Variants in HPSE2 observed in about 807,000 individuals in gnomAD.
The protein encoded by HPSE2 is inactive heparanase-2.
HPSE2 carries 38 observed loss-of-function variants against 60.5 expected under a neutral mutation model. The ratio of observed to expected loss-of-function variants is 0.63; its 90% CI spans 0.48 to 0.82. The LOEUF (loss-of-function observed/expected upper bound fraction) is 0.82, where lower values mean the gene tolerates loss of function less well. Among genes scored for constraint, HPSE2 ranks in the 40% least tolerant of loss-of-function variants. The pLI is 0.00. For synonymous variants in HPSE2, 295 were observed against 293.2 expected (o/e 1.01, Z -0.06); for missense variants, 713 against 740.4 (o/e 0.96, Z 0.43).
At chr10:98,525,927 A>G (rs1044120172) in intron 9 of HPSE2, among the ~76,000 whole-genome samples, 5 of 152,218 alleles carry the variant, frequency 3.3e-5, no homozygotes, top group Non-Finnish European at 7.3e-5. Context: ...CCGATCCTGT[A>G]TATTAGATGC....
At chr10:99,267,829 T>C in the HPSE2 span, among the ~76,000 whole-genome samples, 1 of 150,830 alleles carries the variant, frequency 6.6e-6, no homozygotes, top group South Asian at 2.1e-4. Context: ...GTAAGAATAA[T>C]TGGTGTTCCT....
chr10:99,124,842 A>T (rs1458981284), intron 3 of HPSE2, among the ~76,000 whole-genome samples: 1 of 152,184 alleles, frequency 6.6e-6, no homozygotes, highest in East Asian at 1.9e-4. Context: ...CACTGTGCCA[A>T]CTCAAAATGG....
chr10:98,869,823 C>A (rs575683847), intron 3 of HPSE2, among the ~76,000 whole-genome samples: 21 of 152,162 alleles, frequency 1.4e-4, no homozygotes, highest in African/African-American at 4.8e-4. Context: ...TAGTTTCCTT[C>A]CGAAGTGTAT....
chr10:98,502,011 A>AGGAAAACT lies in HPSE2; in HGVS notation c.1321-11823_1321-11816dup, dbSNP rs998131859. On this transcript the variant is annotated intron_variant, in intron 9 of 11. Coordinates refer to ENST00000370552, the MANE Select transcript of HPSE2 (RefSeq NM_021828.5). ...ACCAAGGAAGTGAAAGACCTCTACAAGGAAAACTACAAAACACTGCTTAAA... is the reference window on the plus strand; with the variant it reads ...ACCAAGGAAGTGAAAGACCTCTACAAGGAAAACTGGAAAACTACAAAACACTGCTTAAA... 2.6e-5 allele frequency among the ~76,000 whole-genome samples: 4 copies of AGGAAAACT among 152,302 alleles called. No homozygotes were observed. In the East Asian group the frequency reaches 7.7e-4, roughly 29 times the overall value.
chr10:98,466,341 C>A (rs866001234), intron 11 of HPSE2, among the ~76,000 whole-genome samples: 1 of 152,012 alleles, frequency 6.6e-6, no homozygotes, highest in Non-Finnish European at 1.5e-5. Flanking sequence ...TGGCCAGGTG[C>A]GGTGGCTCAC....
chr10:98,621,795 C>T (rs562283073), intron 7 of HPSE2, among the ~76,000 whole-genome samples: 1 of 152,326 alleles, frequency 6.6e-6, no homozygotes, highest in African/African-American at 2.4e-5. Context: ...GAGTGTTCCT[C>T]ATCTCTGCCT....
At chr10:98,597,673 G>GAA (rs35585915) in intron 9 of HPSE2, among the ~76,000 whole-genome samples, 38 of 135,708 alleles carry the variant, frequency 2.8e-4, no homozygotes, top group East Asian at 1.3e-3. Context: ...TCTGTCTCAA[G>GAA]AAAAAAAAAA....
At chr10:98,694,926 T>G (rs1280917074) in intron 5 of HPSE2, among the ~76,000 whole-genome samples, 1 of 152,150 alleles carries the variant, frequency 6.6e-6, no homozygotes, top group Non-Finnish European at 1.5e-5. Context: ...GAAGCAATCT[T>G]TAATGGTACT....
intron 3 of HPSE2, among the ~76,000 whole-genome samples, chr10:99,077,709 T>C (rs11189958): frequency 0.55 from 76,913 of 139,594 alleles, 21,272 homozygotes; most frequent in East Asian, 0.69. Context: ...TATGTGTATG[T>C]GTGTATATAT....
intron 3 of HPSE2, among the ~76,000 whole-genome samples, chr10:99,070,531 C>T (rs1423324806): frequency 1.3e-5 from 2 of 152,048 alleles, no homozygotes; most frequent in Non-Finnish European, 2.9e-5. Flanking sequence ...TGGCATCTAC[C>T]ATTTTAAAAA....
intron 3 of HPSE2, among the ~76,000 whole-genome samples, chr10:98,821,919 A>C (rs1951433343): frequency 6.6e-6 from 1 of 152,182 alleles, no homozygotes; most frequent in Non-Finnish European, 1.5e-5. Flanking sequence ...TTTCCAAAAA[A>C]GGATTTAAAT....
intron 3 of HPSE2, among the ~76,000 whole-genome samples, chr10:98,810,257 G>A (rs79747062): frequency 1.3e-3 from 195 of 151,994 alleles, no homozygotes; most frequent in Non-Finnish European, 1.9e-3. Flanking sequence ...ACTGCAAGTG[G>A]GCTGCAACCA....
At chr10:98,666,225 G>T (rs889213089) in intron 6 of HPSE2, among the ~76,000 whole-genome samples, 7 of 152,140 alleles carry the variant, frequency 4.6e-5, no homozygotes, top group African/African-American at 1.7e-4. Flanking sequence ...TCAACAAGAA[G>T]CCCTAACTAT....
chr10:98,670,137 G>A (rs1047125231), intron 6 of HPSE2, among the ~76,000 whole-genome samples: 6 of 152,214 alleles, frequency 3.9e-5, no homozygotes, highest in African/African-American at 9.6e-5. Flanking sequence ...GAGTGGCAGA[G>A]TGTAGGACAG....
intron 5 of HPSE2, among the ~76,000 whole-genome samples, chr10:98,711,824 A>G (rs1948682461): frequency 6.6e-6 from 1 of 152,124 alleles, no homozygotes; most frequent in African/African-American, 2.4e-5. Flanking sequence ...GTTCTCATAC[A>G]TTAGTGTGTA....
rs12415712 is a variant in HPSE2 at position 99,039,730 on chromosome 10, C to T, written c.610+104508G>A. ...TATTGCAATGGATTATAGGTCCAAG[C>T]TAGGGATTATAGCACAAGGAAGGGG... On this transcript the variant is annotated intron_variant, in intron 3 of 11. Coordinates refer to ENST00000370552, the MANE Select transcript of HPSE2 (RefSeq NM_021828.5). Among the ~76,000 whole-genome samples the T allele has an allele frequency of 3.9e-3, 588 of 151,876 alleles. 9 individuals are homozygous for T. The highest frequency in any genetic ancestry group is 0.024 in the Admixed American group (365 of 15,230).
At chr10:98,832,680 G>C (rs1339645036) in intron 3 of HPSE2, among the ~76,000 whole-genome samples, 1 of 152,164 alleles carries the variant, frequency 6.6e-6, no homozygotes, top group African/African-American at 2.4e-5. Flanking sequence ...TTAGGAGACA[G>C]AGAAGGTGAC....
At chr10:99,175,261 AG>A (rs1847478883) in intron 2 of HPSE2, among the ~76,000 whole-genome samples, 1 of 152,158 alleles carries the variant, frequency 6.6e-6, no homozygotes, top group Non-Finnish European at 1.5e-5. Context: ...CTGGACCACC[AG>A]CGAGACAAAA....
intron 3 of HPSE2, among the ~76,000 whole-genome samples, chr10:99,114,827 T>C (rs1230935842): frequency 7.1e-6 from 1 of 140,910 alleles, no homozygotes; most frequent in Non-Finnish European, 1.5e-5. Context: ...GGCAGGAGAA[T>C]GGCGTGAACC....
Sources: gnomAD v4.1 joint callset for allele counts (sites outside exome capture counted in the v4.1 genomes callset) on GRCh38, gnomAD v4.1.1 for gene constraint, MANE v1.5 for transcripts, NCBI Gene and HGNC (gene_info 2026-07-23, HGNC 2026-07-21) for gene names.